The following RBM12B variants were observed in gnomAD, a reference collection of about 807,000 sequenced individuals.
RBM12B encodes RNA-binding protein 12B.
RBM12B carries 10 observed loss-of-function variants against 34.3 expected under a neutral mutation model. That is an observed-to-expected ratio of 0.29 (90% CI 0.18 to 0.49). The LOEUF is 0.49. RBM12B is among the 20% of genes least tolerant of loss of function. The probability of loss-of-function intolerance (pLI) is 0.99; values close to 1 mark genes in which losing one functional copy is unlikely to be tolerated. For synonymous variants in RBM12B, 477 were observed against 437.1 expected, an observed-to-expected ratio of 1.09 and a Z score of -1.14; for missense variants, 1,139 against 1,262.7, an observed-to-expected ratio of 0.90 and a Z score of 1.48.
chr8:93,735,173 T>G lies in RBM12B; in HGVS notation c.1238A>C (p.Lys413Thr). The G allele has an allele frequency of 6.2e-7, 1 of 1,614,112 alleles. No individual in the cohort carries two copies. Among genetic ancestry groups the G allele is most frequent in the South Asian group, 1.1e-5 (1 of 91,076 alleles). ...TGCAAAGAACTTCTGCACTTCAACT[T>G]TTGTAACATCAAATGGAAAATTTCT... Reference protein sequence around the residue: ...YIRNFPFDVTKVEVQKFFADF... With the variant: ...YIRNFPFDVTTVEVQKFFADF... Residue 413 changes from lysine to threonine, a missense_variant, in exon 4 of 4, where the codon AAA becomes ACA. Coordinates refer to ENST00000520560, the MANE Select transcript of RBM12B (RefSeq NM_001377960.1).
Position 93,740,715 on chromosome 8 carries a change from T to C in RBM12B, c.-145-19A>G, listed in dbSNP as rs1812180992. 2.8e-6 allele frequency: 1 copy of C among 357,424 alleles called. No homozygotes were observed. The highest frequency in any genetic ancestry group is 2.1e-5 in the African/African-American group (1 of 46,514). The allele number at this position is 357,424 out of a possible 1,614,324, so 22.1% of individuals were successfully genotyped here. ...ATGGAAGCTGACGGGAAAGGAAGAGTCGGTGTTTTAGCAAGAAAAGAGGGT... is the reference window on the plus strand; with the variant it reads ...ATGGAAGCTGACGGGAAAGGAAGAGCCGGTGTTTTAGCAAGAAAAGAGGGT... On this transcript the variant is annotated intron_variant, in intron 1 of 3. Coordinates refer to ENST00000520560, the MANE Select transcript of RBM12B (RefSeq NM_001377960.1).
Position 93,734,401 on chromosome 8 carries a change from T to G in RBM12B, c.2010A>C (p.Pro670=), listed in dbSNP as rs1340904225. Residue 670 remains proline (P), a synonymous_variant, in exon 4 of 4, where the codon CCA becomes CCC. Transcript: ENST00000520560. The part of the protein sequence containing the change: ...RWLPEEDFRR[P]PEEDWRRPPE... ...GGGGCCGTCTCCAGTCCTCCTCAGG[T>G]GGCCGCCTGAAATCTTCCTCTGGGA... The G allele has an allele frequency of 5.0e-6, 8 of 1,607,926 alleles. No individual in the cohort carries two copies. The highest frequency in any genetic ancestry group is 6.8e-6 in the Non-Finnish European group (8 of 1,178,136).
Position 93,734,570 on chromosome 8 carries a change from G to A in RBM12B, c.1841C>T (p.Pro614Leu). ...RRPPEDDFRH[P>L]REEDWRRPLE... ...GGGCCTCCTCCAGTCCTCCTCCCTAGGGTGCCTGAAGTCATCCTCCGGAGG... is the reference window on the plus strand; with the variant it reads ...GGGCCTCCTCCAGTCCTCCTCCCTAAGGTGCCTGAAGTCATCCTCCGGAGG... Residue 614 changes from proline (P) to leucine (L), a missense_variant, in exon 4 of 4, where the codon CCT (proline) becomes CTT (leucine). Coordinates refer to ENST00000520560, the MANE Select transcript of RBM12B (RefSeq NM_001377960.1). 2 of 1,613,436 alleles carry A rather than the reference G, an allele frequency of 1.2e-6. No homozygotes were observed. Among genetic ancestry groups the A allele is most frequent in the Middle Eastern group, 1.7e-4 (1 of 6,056 alleles).
chr8:93,739,285 A>T (rs1343831223), intron 2 of RBM12B: 6 of 152,210 alleles, frequency 3.9e-5, no homozygotes, highest in African/African-American at 1.4e-4. Context: ...GTTTCAAGGA[A>T]TAATTATATC....
At position 93,734,319 on chromosome 8, in the gene RBM12B, C is replaced by T. The variant is rs1465220179; in HGVS notation, c.2092G>A (p.Asp698Asn). The change falls in exon 4 of 4, where the codon GAC (aspartate) becomes AAC (asparagine). Residue 698 changes from aspartate to asparagine, a missense_variant. Around this residue, in one of 3 missense-constraint regions of RBM12B, gnomAD observed 863 missense variants for 869.5 expected, o/e 0.99. Transcript: ENST00000520560. ...TCCTCCTCTGGGGGCCGCCTGAAGT[C>T]ATCCTCGGGTGGTCGCCTCCATTCT... ...QGEWRRPPEDDFRRPPEEDFR... is the reference protein window; with the variant it reads ...QGEWRRPPEDNFRRPPEEDFR... 10 of 1,613,630 alleles carry T rather than the reference C, an allele frequency of 6.2e-6. No individual in the cohort carries two copies. The highest frequency in any genetic ancestry group is 8.5e-6 in the Non-Finnish European group (10 of 1,179,862).
Position 93,735,744 on chromosome 8 carries a change from T to C in RBM12B, c.667A>G (p.Ile223Val), listed in dbSNP as rs371273529. ...TGTTCTGATCCTTGCATTACTTCTA[T>C]AAATCTTGAACCCATAAAACTTCTA... ...CHRSFMGSRF[I>V]EVMQGSEQQW... The change falls in exon 4 of 4, where the codon ATA (isoleucine) becomes GTA (valine). Residue 223 changes from isoleucine to valine, a missense_variant. Around this residue, in one of 3 missense-constraint regions of RBM12B, gnomAD observed 216 missense variants for 292.2 expected, o/e 0.74. Transcript: ENST00000520560. The C allele has an allele frequency of 1.2e-6, 2 of 1,614,006 alleles. No homozygotes were observed. Among genetic ancestry groups the C allele is most frequent in the Non-Finnish European group, 8.5e-7 (1 of 1,180,044 alleles).
At chr8:93,739,168 G>C (rs1812115716) in intron 2 of RBM12B, 1 of 152,054 alleles carries the variant, frequency 6.6e-6, no homozygotes, top group Non-Finnish European at 1.5e-5. Context: ...AGATATTTTA[G>C]AAAGCACCAT....
chr8:93,738,736 T>G (rs1181046162), intron 2 of RBM12B, among the ~76,000 whole-genome samples: 1 of 152,192 alleles, frequency 6.6e-6, no homozygotes, highest in East Asian at 1.9e-4. Flanking sequence ...GTGCTAGGAT[T>G]TACAGGTATG....
chr8:93,734,216 C>G lies in RBM12B; in HGVS notation c.2195G>C (p.Arg732Pro), dbSNP rs377086209. 10 of 1,595,450 alleles carry G rather than the reference C, an allele frequency of 6.3e-6. No individual in the cohort carries two copies. Among genetic ancestry groups the G allele is most frequent in the Middle Eastern group, 1.7e-4 (1 of 5,898 alleles). Reference protein sequence around the residue: ...HFRRPPQEHFRRPPPEHFRRP... With the variant: ...HFRRPPQEHFPRPPPEHFRRP... ...CCGGAAATGCTCTGGGGGTGGCCGA[C>G]GGAAATGCTCCTGAGGTGGCCTCCG... Residue 732 changes from arginine to proline, a missense_variant, in exon 4 of 4, where the codon CGT (arginine) becomes CCT (proline). Transcript: ENST00000520560.
At position 93,734,099 on chromosome 8, in the gene RBM12B, A is replaced by G; in HGVS notation, c.2312T>C (p.Phe771Ser). 2.6e-6 allele frequency: 4 copies of G among 1,561,120 alleles called. No homozygotes were observed. In the South Asian group the frequency reaches 4.8e-5, roughly 19 times the overall value. Residue 771 changes from phenylalanine to serine, a missense_variant, in exon 4 of 4, where the codon TTC becomes TCC. Phe to Ser is a radical substitution (Grantham distance 155, BLOSUM62 -2). Transcript: ENST00000520560. ...GAAGTGCTCCGGGGGCGGGCGCCTG[A>G]AATGCTCTGGGGGTGGCCGCCTGAA... is the stretch of plus-strand genomic sequence containing the variant. Reference protein sequence around the residue: ...EHFRRPPPEHFRRPPPEHFRR... With the variant: ...EHFRRPPPEHSRRPPPEHFRR...
chr8:93,732,138 G>A lies in RBM12B; in HGVS notation c.*1267C>T, dbSNP rs1451978064. ...CACGATTTACTACCTATGACTTCAA[G>A]CAAGTTGCTTAACCTCGCACTTCAT... On this transcript the variant is annotated 3_prime_UTR_variant, in exon 4 of 4. Transcript: ENST00000520560. 6.6e-6 allele frequency: 1 copy of A among 152,178 alleles called. No individual in the cohort carries two copies. Among genetic ancestry groups the A allele is most frequent in the Non-Finnish European group, 1.5e-5 (1 of 68,032 alleles). 9.4% of individuals were successfully genotyped at this position (152,178 alleles called of 1,614,324 possible).
At position 93,735,388 on chromosome 8, in the gene RBM12B, C is replaced by T; in HGVS notation, c.1023G>A (p.Leu341=). ...ATTGTAAAACAGTCTTATGTAAACT[C>T]AGAGCGGTATTATAGTCTTTCAGAG... ...FKTLKDYNTA[L]SLHKTVLQYR... Residue 341 remains leucine, a synonymous_variant, in exon 4 of 4, where the codon CTG becomes CTA. Coordinates refer to ENST00000520560, the MANE Select transcript of RBM12B (RefSeq NM_001377960.1). 1 of 1,613,650 alleles carries T rather than the reference C, an allele frequency of 6.2e-7. No homozygotes were observed. The highest frequency in any genetic ancestry group is 8.5e-7 in the Non-Finnish European group (1 of 1,179,778).
chr8:93,739,890 C>A (rs2130482114), intron 2 of RBM12B, among the ~76,000 whole-genome samples: 1 of 152,226 alleles, frequency 6.6e-6, no homozygotes, highest in East Asian at 1.9e-4. Flanking sequence ...ACGTAACGTG[C>A]CTCTTCTAAT....
In RBM12B at chr8:93,733,123, G is replaced by A. The variant is rs577017033; in HGVS notation, c.*282C>T. On this transcript the variant is annotated 3_prime_UTR_variant, in exon 4 of 4. Transcript: ENST00000520560. ...ACTTCAATAAGTCTTGAAGATTACC[G>A]ATGACATCAACAAAAATGAATGAAC... 29 of 210,586 alleles carry A rather than the reference G, an allele frequency of 1.4e-4. No homozygotes were observed. Among genetic ancestry groups the A allele is most frequent in the Admixed American group, 9.6e-4 (17 of 17,782 alleles). 13.0% of individuals were successfully genotyped at this position (210,586 alleles called of 1,614,324 possible).
Position 93,733,536 on chromosome 8 carries a change from A to G in RBM12B, c.2875T>C (p.Tyr959His), listed in dbSNP as rs904177970. 22 of 1,613,468 alleles carry G rather than the reference A, an allele frequency of 1.4e-5. No homozygotes were observed. Among genetic ancestry groups the G allele is most frequent in the Non-Finnish European group, 1.8e-5 (21 of 1,179,642 alleles). ...CCTGTAGGTAAGCCTTGCTCATTAT[A>G]CTGTATCGAAACTGAATCAGGTATG... ...RIIPDSVSIQ[Y>H]NEQGLPTGEA... The change falls in exon 4 of 4, where the codon TAT becomes CAT. Residue 959 changes from tyrosine (Y) to histidine (H), a missense_variant. Transcript: ENST00000520560.
chr8:93,735,374 G>C lies in RBM12B; in HGVS notation c.1037C>G (p.Thr346Ser). 1 of 1,613,680 alleles carries C rather than the reference G, an allele frequency of 6.2e-7. No individual in the cohort carries two copies. Among genetic ancestry groups the C allele is most frequent in the Non-Finnish European group, 8.5e-7 (1 of 1,179,776 alleles). ...DYNTALSLHK[T>S]VLQYRPVHID... ...ATGAACTGGACGATATTGTAAAACAGTCTTATGTAAACTCAGAGCGGTATT... is the reference window on the plus strand; with the variant it reads ...ATGAACTGGACGATATTGTAAAACACTCTTATGTAAACTCAGAGCGGTATT... Residue 346 changes from threonine (T) to serine (S), a missense_variant, in exon 4 of 4, where the codon ACT becomes AGT. Physicochemically the swap from Thr to Ser is moderately conservative, Grantham distance 58. This residue lies in a region of RBM12B where 863 missense variants were observed against 869.5 expected (regional missense o/e 0.99). Coordinates refer to ENST00000520560, the MANE Select transcript of RBM12B (RefSeq NM_001377960.1).
chr8:93,736,507 A>G, intron 3 of RBM12B, 69 bp from the exon 4 acceptor site: 2 of 1,214,902 alleles, frequency 1.6e-6, no homozygotes, highest in East Asian at 2.5e-5. Context: ...ACTAAGCTTA[A>G]TAATTACCTG....
In RBM12B at chr8:93,734,521, T is replaced by G. The variant is rs545901311; in HGVS notation, c.1890A>C (p.Pro630=). Reference sequence around the variant, plus strand: ...GAGACCGCCTGAAATCCTCCTCCAGTGGCCGCCTCCAGTCCTCCTCAAGGG... The same window carrying G: ...GAGACCGCCTGAAATCCTCCTCCAGGGGCCGCCTCCAGTCCTCCTCAAGGG... ...RRPLEEDWRR[P]LEEDFRRSPT... The change falls in exon 4 of 4, where the codon CCA becomes CCC. Residue 630 remains proline, a synonymous_variant. Coordinates refer to ENST00000520560, the MANE Select transcript of RBM12B (RefSeq NM_001377960.1). 2 of 1,612,152 alleles carry G rather than the reference T, an allele frequency of 1.2e-6. No individual in the cohort carries two copies. The highest frequency in any genetic ancestry group is 2.2e-5 in the South Asian group (2 of 90,996).
chr8:93,735,718 T>A lies in RBM12B; in HGVS notation c.693A>T (p.Gln231His). Residue 231 changes from glutamine to histidine, a missense_variant, in exon 4 of 4, where the codon CAA becomes CAT. Physicochemically the swap from Gln to His is conservative, Grantham distance 24. Coordinates refer to ENST00000520560, the MANE Select transcript of RBM12B (RefSeq NM_001377960.1). ...CATTACCACCAAACTCAATCCACTG[T>A]TGTTCTGATCCTTGCATTACTTCTA... ...RFIEVMQGSE[Q>H]QWIEFGGNAV... 3 of 1,614,192 alleles carry A rather than the reference T, an allele frequency of 1.9e-6. No individual in the cohort carries two copies. Among genetic ancestry groups the A allele is most frequent in the Non-Finnish European group, 2.5e-6 (3 of 1,180,040 alleles).
Sources: allele counts gnomAD v4.1 joint callset (sites outside exome capture counted in the v4.1 genomes callset), GRCh38; gene constraint gnomAD v4.1.1; regional missense constraint gnomAD v4.1.1; transcripts MANE v1.5; gene names NCBI Gene and HGNC (gene_info 2026-07-23, HGNC 2026-07-21).